The following KAT6A variants were observed in gnomAD, a reference collection of about 807,000 sequenced individuals.
KAT6A encodes the protein lysine acetyltransferase 6A.
A neutral mutation model predicts 198.4 loss-of-function variants in KAT6A; 9 were observed. That is an observed-to-expected ratio of 0.05 (90% CI 0.03 to 0.08). The LOEUF is 0.08. Ranked by LOEUF, KAT6A falls within the 10% of genes least tolerant of loss-of-function variation. The probability of loss-of-function intolerance (pLI) is 1.00; values close to 1 mark genes in which losing one functional copy is unlikely to be tolerated. For missense variants in KAT6A, 2,077 were observed against 2,509.9 expected (o/e 0.83, Z 3.69); for synonymous variants, 890 against 883.0 (o/e 1.01, Z -0.14).
chr8:41,932,538 C>A lies in KAT6A; in HGVS notation c.5682G>T (p.Gln1894His). The change falls in exon 17 of 17, where the codon CAG becomes CAT. Residue 1894 changes from glutamine to histidine, a missense_variant. Gln to His is a conservative substitution (Grantham distance 24, BLOSUM62 0). Coordinates refer to ENST00000265713, the MANE Select transcript of KAT6A (RefSeq NM_006766.5). ...GATTAACCCCCATGTTCATGCCACG[C>A]TGAACAGCCAGTGCGCGAGGGCCAG... The part of the protein sequence containing the change: ...MQAGPRALAV[Q>H]RGMNMGVNLM... 6.2e-7 allele frequency: 1 copy of A among 1,614,274 alleles called. No homozygotes were observed. The highest frequency in any genetic ancestry group is 8.5e-7 in the Non-Finnish European group (1 of 1,180,052).
chr8:42,045,511 A>C (rs1239114613), intron 2 of KAT6A, among the ~76,000 whole-genome samples: 1 of 151,568 alleles, frequency 6.6e-6, no homozygotes, highest in Non-Finnish European at 1.5e-5. Context: ...GCAGTAAGCC[A>C]AGATCGTGCC....
chr8:41,988,388 T>C (rs893876361), intron 2 of KAT6A, among the ~76,000 whole-genome samples: 2 of 152,236 alleles, frequency 1.3e-5, no homozygotes, highest in African/African-American at 4.8e-5. Flanking sequence ...ATACATTAAA[T>C]ATTTGCTTTT....
In KAT6A at chr8:41,996,721, C is replaced by T. The variant is rs567950315; in HGVS notation, c.601-9158G>A. 3.3e-5 allele frequency among the ~76,000 whole-genome samples: 5 copies of T among 152,322 alleles called. No homozygotes were observed. In the South Asian group the frequency reaches 8.3e-4, roughly 25 times the overall value. ...CATGTTATAGCACTGCAAGAAGGCC[C>T]TCACAGAGAGATGAGGCCCCTTGAT... is the stretch of plus-strand genomic sequence containing the variant. On this transcript the variant is annotated intron_variant, in intron 2 of 16. Coordinates refer to ENST00000265713, the MANE Select transcript of KAT6A (RefSeq NM_006766.5).
In KAT6A at chr8:41,942,991, A is replaced by T; in HGVS notation, c.2238T>A (p.Ile746=). 6.2e-7 allele frequency: 1 copy of T among 1,614,080 alleles called. No individual in the cohort carries two copies. Among genetic ancestry groups the T allele is most frequent in the Non-Finnish European group, 8.5e-7 (1 of 1,180,004 alleles). ...CCTGGATAAGTTTTTCCCGGCGGAT[A>T]ATCACAAATCTGGAACCAGAGAAAA... ...MLDFRSDQFV[I]IRREKLIQDH... Residue 746 remains isoleucine, a synonymous_variant, in exon 14 of 17, where the codon ATT becomes ATA. Coordinates refer to ENST00000265713, the MANE Select transcript of KAT6A (RefSeq NM_006766.5).
At chr8:41,984,360 G>A (rs1824502143) in intron 3 of KAT6A, among the ~76,000 whole-genome samples, 1 of 152,208 alleles carries the variant, frequency 6.6e-6, no homozygotes, top group South Asian at 2.1e-4. Context: ...CTGCAGGCAT[G>A]CATGCAGTCC....
chr8:41,943,051 A>C, intron 13 of KAT6A, 51 bp from the exon 14 acceptor site: 1 of 1,606,082 alleles, frequency 6.2e-7, no homozygotes, highest in Non-Finnish European at 8.5e-7. Context: ...AGGTGTACAT[A>C]AAAATGAATG....
chr8:41,939,164 A>C (rs1172979315), intron 15 of KAT6A, among the ~76,000 whole-genome samples: 2 of 152,110 alleles, frequency 1.3e-5, no homozygotes, highest in African/African-American at 4.8e-5. Context: ...GAAAGGACAA[A>C]TCTCCCAAGC....
rs972137304 is a variant in KAT6A, at chr8:42,049,012, C to T, written c.-35G>A. 6 of 1,576,934 alleles carry T rather than the reference C, an allele frequency of 3.8e-6. No homozygotes were observed. The highest frequency in any genetic ancestry group is 5.1e-6 in the Non-Finnish European group (6 of 1,165,376). ...TTCTGTATATCCATAGAGTCGTTAT[C>T]CCTTATCCTGATGCTGAGTAAGTTT... On this transcript the variant is annotated 5_prime_UTR_variant, in exon 2 of 17. Transcript: ENST00000265713.
chr8:41,996,311 A>G (rs1385032232), intron 2 of KAT6A, among the ~76,000 whole-genome samples: 1 of 152,210 alleles, frequency 6.6e-6, no homozygotes, highest in African/African-American at 2.4e-5. Flanking sequence ...TAAAAGCTAC[A>G]AAATTTCTCA....
intron 9 of KAT6A, among the ~76,000 whole-genome samples, chr8:41,954,672 T>C (rs997648660): frequency 6.6e-6 from 1 of 152,214 alleles, no homozygotes; most frequent in African/African-American, 2.4e-5. Context: ...AAGTAAGTAC[T>C]ATTACTATCT....
chr8:42,009,541 A>T (rs569574147), intron 2 of KAT6A, among the ~76,000 whole-genome samples: 1 of 151,938 alleles, frequency 6.6e-6, no homozygotes, highest in South Asian at 2.1e-4. Context: ...ATGTGGGTGC[A>T]TTTTACATTC....
chr8:41,944,811 T>G (rs955637541), intron 12 of KAT6A, among the ~76,000 whole-genome samples: 2 of 152,190 alleles, frequency 1.3e-5, no homozygotes, highest in Non-Finnish European at 2.9e-5. Context: ...ATGAGTCCTA[T>G]TTCAAAACAA....
intron 7 of KAT6A, among the ~76,000 whole-genome samples, chr8:41,975,727 A>G (rs1824019404): frequency 6.6e-6 from 1 of 152,172 alleles, no homozygotes; most frequent in African/African-American, 2.4e-5. Flanking sequence ...CATAAAGAAA[A>G]TGACAGAGCC....
chr8:41,946,622 A>G lies in KAT6A; in HGVS notation c.1965T>C (p.Arg655=). Residue 655 remains arginine, a synonymous_variant, in exon 12 of 17, where the codon CGT becomes CGC. Transcript: ENST00000265713. Reference sequence around the variant, plus strand: ...CGATGAGAAACCTGCCATAGCCCTTACGCTGGTATTGAGGAAGAATCATTA... The same window carrying G: ...CGATGAGAAACCTGCCATAGCCCTTGCGCTGGTATTGAGGAAGAATCATTA... ...SCIMILPQYQ[R]KGYGRFLIDF... 6.2e-7 allele frequency: 1 copy of G among 1,603,200 alleles called. No individual in the cohort carries two copies. The highest frequency in any genetic ancestry group is 8.5e-7 in the Non-Finnish European group (1 of 1,170,268).
In KAT6A at chr8:42,048,514, A is replaced by G. The variant is rs373581056; in HGVS notation, c.464T>C (p.Ile155Thr). Residue 155 changes from isoleucine (I) to threonine (T), a missense_variant, in exon 2 of 17, where the codon ATT becomes ACT. By Grantham distance (89) the Ile-to-Thr change is moderately conservative (BLOSUM62 -1). Transcript: ENST00000265713. ...QQLRLAIKRA[I>T]GHGRLLKDGP... is the part of the protein sequence containing the mutation. ...ATCTTTAAGGAGTCTGCCGTGGCCA[A>G]TGGCACGTTTGATAGCCAATCGTAA... 1.1e-5 allele frequency: 17 copies of G among 1,614,076 alleles called. No individual in the cohort carries two copies. Among genetic ancestry groups the G allele is most frequent in the East Asian group, 2.2e-5 (1 of 44,900 alleles).
chr8:41,974,009 C>T (rs551965310), intron 8 of KAT6A, among the ~76,000 whole-genome samples: 15 of 152,246 alleles, frequency 9.9e-5, no homozygotes, highest in African/African-American at 2.6e-4. Flanking sequence ...CATTCACTGG[C>T]ATCTCCAGCA....
At chr8:41,956,638 A>C (rs779337576) in intron 8 of KAT6A, among the ~76,000 whole-genome samples, 2 of 152,226 alleles carry the variant, frequency 1.3e-5, no homozygotes, top group Admixed American at 6.5e-5. Flanking sequence ...CTCAGGTTTC[A>C]TACTGGAATG....
In KAT6A at chr8:41,997,775, A is replaced by G. The variant is rs539245821; in HGVS notation, c.601-10212T>C. 5.9e-5 allele frequency among the ~76,000 whole-genome samples: 9 copies of G among 152,232 alleles called. No homozygotes were observed. In the South Asian group the frequency reaches 1.9e-3, roughly 32 times the overall value. On this transcript the variant is annotated intron_variant, in intron 2 of 16. Transcript: ENST00000265713. ...ACTCCCTTCTTCTATAATCAAGTAA[A>G]GTAAATTTAACTTGAAATTAACTTT...
At chr8:41,958,133 G>GT (rs2150873075) in intron 8 of KAT6A, 1 of 152,270 alleles carries the variant, frequency 6.6e-6, no homozygotes, top group African/African-American at 2.4e-5. Flanking sequence ...AAACACTACA[G>GT]TAAGTAATTC....
Sources: gnomAD v4.1 joint callset for allele counts (sites outside exome capture counted in the v4.1 genomes callset) on GRCh38, gnomAD v4.1.1 for gene constraint, MANE v1.5 for transcripts, NCBI Gene and HGNC (gene_info 2026-07-23, HGNC 2026-07-21) for gene names.